The following GOLGA8Q variants were observed in gnomAD, a reference collection of about 807,000 sequenced individuals.
GOLGA8Q encodes the protein golgin A8 family member Q.
A neutral mutation model predicts 48.7 loss-of-function variants in GOLGA8Q; 3 were observed. That is an observed-to-expected ratio of 0.06 (90% CI 0.03 to 0.16). GOLGA8Q has a LOEUF of 0.16. GOLGA8Q is among the 10% of genes least tolerant of loss of function. GOLGA8Q has a pLI of 1.00. For synonymous variants in GOLGA8Q, 22 were observed against 138.2 expected (o/e 0.16, Z 5.90); for missense variants, 49 against 364.3 (o/e 0.13, Z 7.05).
In GOLGA8Q at chr15:30,560,800, G is replaced by C. The variant is rs533576820; in HGVS notation, c.1276+189G>C. ...CGGGCAGTCACCAAGTTGCCTAAGG[G>C]TGGCTGAACTGGCCAAGGTCAGAAA... On this transcript the variant is annotated intron_variant, in intron 14 of 18. Transcript: ENST00000562783. 2.7e-5 allele frequency: 15 copies of C among 564,386 alleles called. 3 individuals are homozygous for C. Among genetic ancestry groups the C allele is most frequent in the Admixed American group, 2.9e-5 (1 of 33,908 alleles). 35.0% of individuals were successfully genotyped at this position (564,386 alleles called of 1,614,324 possible). A position where few individuals can be genotyped will look rare whatever the true frequency, so the allele number is the denominator to read the frequency against.
At chr15:30,559,694 T>A (rs2059667044) in intron 13 of GOLGA8Q, among the ~76,000 whole-genome samples, 1 of 151,284 alleles carries the variant, frequency 6.6e-6, no homozygotes, top group East Asian at 1.9e-4. Context: ...TCTACTAAAA[T>A]TAAAAAAAAA....
In GOLGA8Q at chr15:30,563,741, GA is replaced by G. The variant is rs2059693633; in HGVS notation, c.*1244del. On this transcript the variant is annotated 3_prime_UTR_variant, in exon 19 of 19. Transcript: ENST00000562783. Reference sequence around the variant, plus strand: ...GAATTTACTTCTTTTTCTTTGAATGGAAAACACTTTAAAAAAATAGAAACAT... The same window carrying G: ...GAATTTACTTCTTTTTCTTTGAATGGAAACACTTTAAAAAAATAGAAACAT... Among the ~76,000 whole-genome samples, 1 of 52,268 alleles carries G rather than the reference GA, an allele frequency of 1.9e-5. No homozygotes were observed. Among genetic ancestry groups the G allele is most frequent in the African/African-American group, 1.7e-4 (1 of 5,950 alleles). The allele number at this position is 52,268 out of a possible 152,430, so 34.3% of individuals were successfully genotyped here. A position where few individuals can be genotyped will look rare whatever the true frequency, so the allele number is the denominator to read the frequency against.
rs2059672608 is a variant in GOLGA8Q at position 30,560,384 on chromosome 15, G to A, written c.1201-152G>A. 2.1e-5 allele frequency among the ~76,000 whole-genome samples: 2 copies of A among 94,096 alleles called. 1 individual carries two copies. Among genetic ancestry groups the A allele is most frequent in the Non-Finnish European group, 4.3e-5 (2 of 46,752 alleles). 61.7% of individuals were successfully genotyped at this position (94,096 alleles called of 152,430 possible). ...TGCAACAGACCCAGCTAATGAACCAGCTGCAGCAGTAGAAAGCTTGGGGCA... is the reference window on the plus strand; with the variant it reads ...TGCAACAGACCCAGCTAATGAACCAACTGCAGCAGTAGAAAGCTTGGGGCA... On this transcript the variant is annotated intron_variant, in intron 13 of 18. Coordinates refer to ENST00000562783, the MANE Select transcript of GOLGA8Q (RefSeq NM_001355476.2).
intron 14 of GOLGA8Q, 196 bp from the exon 15 acceptor site, chr15:30,560,847 C>T: frequency 5.1e-6 from 2 of 395,814 alleles, no homozygotes; most frequent in African/African-American, 6.7e-5. Flanking sequence ...AGAACTCCCA[C>T]ATCGACCAGT....
chr15:30,560,542 C>A lies in GOLGA8Q; in HGVS notation c.1207C>A (p.Leu403Met). The A allele has an allele frequency of 1.8e-6, 2 of 1,117,960 alleles. No individual in the cohort carries two copies. The highest frequency in any genetic ancestry group is 2.4e-6 in the Non-Finnish European group (2 of 828,264). 69.3% of individuals were successfully genotyped at this position (1,117,960 alleles called of 1,614,324 possible). ...CTCTTTCCTGGCCCCTTAGGAGCAC[C>A]TGGAAGCGGCCAGCCAGCAGAACCA... ...ELQEKLGEEH[L>M]EAASQQNQQL... The change falls in exon 14 of 19, where the codon CTG (leucine) becomes ATG (methionine). Residue 403 changes from leucine to methionine, a missense_variant. Transcript: ENST00000562783.
At chr15:30,555,795 A>C (rs1400266321) in intron 4 of GOLGA8Q, among the ~76,000 whole-genome samples, 179 bp from the exon 5 acceptor site, 6 of 85,142 alleles carry the variant, frequency 7.0e-5, no homozygotes, top group East Asian at 6.6e-4. Context: ...GGCAAAAGCC[A>C]ACAAAGACCC....
At chr15:30,554,307 A>G (rs1480714595) in intron 2 of GOLGA8Q, among the ~76,000 whole-genome samples, 2 of 124,426 alleles carry the variant, frequency 1.6e-5, no homozygotes, top group African/African-American at 3.5e-5. Context: ...GTCTCAAAAA[A>G]AAAAAAAAGG....
At chr15:30,554,257 T>C (rs1175824529) in intron 2 of GOLGA8Q, among the ~76,000 whole-genome samples, 3 of 120,772 alleles carry the variant, frequency 2.5e-5, no homozygotes, top group Non-Finnish European at 1.7e-5. Context: ...TGGCCAAGAT[T>C]ATGCCACCGC....
intron 4 of GOLGA8Q, among the ~76,000 whole-genome samples, chr15:30,555,620 A>G (rs1280491403): frequency 1.8e-5 from 2 of 108,498 alleles, no homozygotes; most frequent in African/African-American, 7.4e-5. Flanking sequence ...TGCTGTGAAG[A>G]ACCGTACCTG....
Position 30,565,456 on chromosome 15 carries a change from A to G in GOLGA8Q, c.*2955A>G, listed in dbSNP as rs1170155590. ...GAAATAATTTAAAACATTTTAAAATATGAATACTGTAGTATAAAAGAAAGA... is the reference window on the plus strand; with the variant it reads ...GAAATAATTTAAAACATTTTAAAATGTGAATACTGTAGTATAAAAGAAAGA... On this transcript the variant is annotated 3_prime_UTR_variant, in exon 19 of 19. Coordinates refer to ENST00000562783, the MANE Select transcript of GOLGA8Q (RefSeq NM_001355476.2). 5.6e-4 allele frequency among the ~76,000 whole-genome samples: 46 copies of G among 81,446 alleles called. No homozygotes were observed. The highest frequency in any genetic ancestry group is 2.4e-3 in the African/African-American group (44 of 18,422). 53.4% of individuals were successfully genotyped at this position (81,446 alleles called of 152,430 possible). A position where few individuals can be genotyped will look rare whatever the true frequency, so the allele number is the denominator to read the frequency against.
chr15:30,559,531 A>C (rs2059665443), intron 13 of GOLGA8Q: 2 of 341,218 alleles, frequency 5.9e-6, no homozygotes, highest in Non-Finnish European at 1.1e-5. Flanking sequence ...TGGAGCCCCC[A>C]ATCACAGGGG....
chr15:30,554,377 G>A (rs1595579315), intron 2 of GOLGA8Q, among the ~76,000 whole-genome samples: 1 of 100,058 alleles, frequency 1.0e-5, no homozygotes, highest in Non-Finnish European at 2.0e-5. Flanking sequence ...TTTAGGGCAA[G>A]TTGCTAGACC....
chr15:30,555,560 C>T lies in GOLGA8Q; in HGVS notation c.310-414C>T, dbSNP rs1367619040. Among the ~76,000 whole-genome samples the T allele has an allele frequency of 6.6e-4, 73 of 110,558 alleles. 7 individuals carry two copies. The highest frequency in any genetic ancestry group is 5.1e-3 in the Middle Eastern group (1 of 196). The allele number at this position is 110,558 out of a possible 152,430, so 72.5% of individuals were successfully genotyped here. On this transcript the variant is annotated intron_variant, in intron 4 of 18. Coordinates refer to ENST00000562783, the MANE Select transcript of GOLGA8Q (RefSeq NM_001355476.2). Reference sequence around the variant, plus strand: ...TCTGAGATTTAAAGGCCCCCTAGAACGGAAACCTCAGGGCTAAGGGCTCCT... The same window carrying T: ...TCTGAGATTTAAAGGCCCCCTAGAATGGAAACCTCAGGGCTAAGGGCTCCT...
In GOLGA8Q at chr15:30,560,577, G is replaced by A. The variant is rs1352406316; in HGVS notation, c.1242G>A (p.Thr414=). ...CCAGCCAGCAGAACCAGCAGCTAAC[G>A]GCCCAGCTGAACCTCATGGCTCTCC... ...EAASQQNQQL[T]AQLNLMALPG... is the part of the protein sequence containing the mutation. The change falls in exon 14 of 19, where the codon ACG becomes ACA. Residue 414 remains threonine (T), a synonymous_variant. Coordinates refer to ENST00000562783, the MANE Select transcript of GOLGA8Q (RefSeq NM_001355476.2). 1 of 1,131,852 alleles carries A rather than the reference G, an allele frequency of 8.8e-7. No individual in the cohort carries two copies. Among genetic ancestry groups the A allele is most frequent in the East Asian group, 2.3e-5 (1 of 42,850 alleles). The allele number at this position is 1,131,852 out of a possible 1,614,324, so 70.1% of individuals were successfully genotyped here.
intron 2 of GOLGA8Q, among the ~76,000 whole-genome samples, chr15:30,554,580 A>T (rs199596314): frequency 2.8e-4 from 6 of 21,490 alleles, no homozygotes; most frequent in African/African-American, 1.9e-3. Flanking sequence ...ACCAGGACAA[A>T]GAGAACAGCC....
In GOLGA8Q at chr15:30,560,282, CGTGGCCACCTATCAGCAGCAG is replaced by C. The variant is rs938079158; in HGVS notation, c.1201-247_1201-227del. On this transcript the variant is annotated intron_variant, in intron 13 of 18. Coordinates refer to ENST00000562783, the MANE Select transcript of GOLGA8Q (RefSeq NM_001355476.2). The stretch of plus-strand genomic sequence containing the variant: ...ATTACCTGGGTCACCTGCAGCAGTA[CGTGGCCACCTATCAGCAGCAG>C]GTGGCCGCCTATCAGCAGCTGACCT... 1.9e-3 allele frequency among the ~76,000 whole-genome samples: 174 copies of C among 90,766 alleles called. 61 individuals carry two copies. Among genetic ancestry groups the C allele is most frequent in the African/African-American group, 9.9e-3 (159 of 16,110 alleles). 59.5% of individuals were successfully genotyped at this position (90,766 alleles called of 152,430 possible). A position where few individuals can be genotyped will look rare whatever the true frequency, so the allele number is the denominator to read the frequency against.
chr15:30,560,584 C>G lies in GOLGA8Q; in HGVS notation c.1249C>G (p.Leu417Val), dbSNP rs1221193076. Residue 417 changes from leucine (L) to valine (V), a missense_variant, in exon 14 of 19, where the codon CTG becomes GTG. By Grantham distance (32) the Leu-to-Val change is conservative. Coordinates refer to ENST00000562783, the MANE Select transcript of GOLGA8Q (RefSeq NM_001355476.2). ...GCAGAACCAGCAGCTAACGGCCCAG[C>G]TGAACCTCATGGCTCTCCCTGGGGA... ...SQQNQQLTAQ[L>V]NLMALPGEGH... 4.4e-6 allele frequency: 5 copies of G among 1,132,540 alleles called. 2 individuals carry two copies. In the Admixed American group the frequency reaches 6.4e-5, roughly 14 times the overall value. 70.2% of individuals were successfully genotyped at this position (1,132,540 alleles called of 1,614,324 possible).
chr15:30,559,809 G>A (rs2059668495), intron 13 of GOLGA8Q, among the ~76,000 whole-genome samples: 1 of 140,320 alleles, frequency 7.1e-6, no homozygotes, highest in African/African-American at 2.7e-5. Flanking sequence ...AGTGAGCTGA[G>A]ATTGCACCAC....
chr15:30,560,584 C>A lies in GOLGA8Q; in HGVS notation c.1249C>A (p.Leu417Met), dbSNP rs1221193076. 31 of 1,132,540 alleles carry A rather than the reference C, an allele frequency of 2.7e-5. 11 individuals carry two copies. Among genetic ancestry groups the A allele is most frequent in the Non-Finnish European group, 3.7e-5 (31 of 835,714 alleles). The allele number at this position is 1,132,540 out of a possible 1,614,324, so 70.2% of individuals were successfully genotyped here. A position where few individuals can be genotyped will look rare whatever the true frequency, so the allele number is the denominator to read the frequency against. Residue 417 changes from leucine (L) to methionine (M), a missense_variant, in exon 14 of 19, where the codon CTG becomes ATG. Transcript: ENST00000562783. ...GCAGAACCAGCAGCTAACGGCCCAGCTGAACCTCATGGCTCTCCCTGGGGA... is the reference window on the plus strand; with the variant it reads ...GCAGAACCAGCAGCTAACGGCCCAGATGAACCTCATGGCTCTCCCTGGGGA... ...SQQNQQLTAQ[L>M]NLMALPGEGH...
Sources: gnomAD v4.1 joint callset for allele counts (sites outside exome capture counted in the v4.1 genomes callset) on GRCh38, gnomAD v4.1.1 for gene constraint, MANE v1.5 for transcripts, NCBI Gene and HGNC (gene_info 2026-07-23, HGNC 2026-07-21) for gene names.